The following DIP2C variants were observed in gnomAD, a reference collection of about 807,000 sequenced individuals.
DIP2C encodes disco-interacting protein 2 homolog C.
In DIP2C, 33 loss-of-function variants were observed where a neutral mutation model predicts 192.4. The ratio of observed to expected loss-of-function variants is 0.17; its 90% CI spans 0.13 to 0.23. DIP2C has a LOEUF of 0.23. DIP2C is among the 10% of genes least tolerant of loss of function. The probability of loss-of-function intolerance (pLI) is 1.00; values close to 1 mark genes in which losing one functional copy is unlikely to be tolerated. For synonymous variants in DIP2C, 979 were observed against 864.1 expected (o/e 1.13, Z -2.33); for missense variants, 1,537 against 2,110.1 (o/e 0.73, Z 5.32).
intron 26 of DIP2C, 165 bp from the exon 27 acceptor site, chr10:345,275 G>A: frequency 1.3e-6 from 1 of 754,030 alleles, no homozygotes; most frequent in Non-Finnish European, 2.3e-6. Flanking sequence ...AGAGCTAGGA[G>A]TCTAGTTGTG....
intron 8 of DIP2C, among the ~76,000 whole-genome samples, chr10:411,123 G>T (rs1228183141): frequency 1.3e-5 from 2 of 152,184 alleles, no homozygotes; most frequent in Non-Finnish European, 2.9e-5. Context: ...GCCACAGAAA[G>T]GTGGCCCAGC....
At chr10:386,136 G>C (rs1020070372) in intron 14 of DIP2C, among the ~76,000 whole-genome samples, 1 of 152,190 alleles carries the variant, frequency 6.6e-6, no homozygotes, top group African/African-American at 2.4e-5. Flanking sequence ...CGGAAAGTTG[G>C]GTGTTCTAAT....
chr10:282,983 G>A (rs559681752), intron 35 of DIP2C, among the ~76,000 whole-genome samples: 42 of 152,380 alleles, frequency 2.8e-4, no homozygotes, highest in Admixed American at 1.5e-3. Flanking sequence ...ACTTTGCTGT[G>A]GGTGACACTG....
chr10:485,942 A>T (rs1843985176), intron 2 of DIP2C, among the ~76,000 whole-genome samples: 1 of 152,226 alleles, frequency 6.6e-6, no homozygotes, highest in Non-Finnish European at 1.5e-5. Context: ...GAAAGCTGCC[A>T]ATCTGCACAC....
At chr10:601,005 C>T (rs1057260122) in intron 1 of DIP2C, among the ~76,000 whole-genome samples, 30 of 152,300 alleles carry the variant, frequency 2.0e-4, no homozygotes, top group Admixed American at 5.2e-4. Context: ...ACTCATGGCA[C>T]GTTACATGTT....
chr10:348,723 G>A lies in DIP2C; in HGVS notation c.3149C>T (p.Ala1050Val). 2 of 1,613,842 alleles carry A rather than the reference G, an allele frequency of 1.2e-6. No individual in the cohort carries two copies. Among genetic ancestry groups the A allele is most frequent in the East Asian group, 2.2e-5 (1 of 44,886 alleles). The change falls in exon 26 of 37, where the codon GCA becomes GTA. Residue 1050 changes from alanine (A) to valine (V), a missense_variant. By Grantham distance (64) the Ala-to-Val change is moderately conservative. This residue lies in a region of DIP2C where 677 missense variants were observed against 989.9 expected (regional missense o/e 0.68). Coordinates refer to ENST00000280886, the MANE Select transcript of DIP2C (RefSeq NM_014974.3). ...ACGGACGGTTATTGGCACACAGCCT[G>A]CGTACAGGCAACCATAAAACGCTGC... ...LIAAFYGCLYAGCVPITVRPP... is the reference protein window; with the variant it reads ...LIAAFYGCLYVGCVPITVRPP...
rs554007152 is a variant in DIP2C at position 465,927 on chromosome 10, T to A, written c.268+6512A>T. The stretch of plus-strand genomic sequence containing the variant: ...TGGAAGAACATTCCATGCTCTTGGG[T>A]AGGAAGAATCAATATCGTGAAAATG... On this transcript the variant is annotated intron_variant, in intron 3 of 36. Transcript: ENST00000280886. Among the ~76,000 whole-genome samples, 389 of 152,136 alleles carry A rather than the reference T, an allele frequency of 2.6e-3. 2 individuals carry two copies. The highest frequency in any genetic ancestry group is 4.4e-3 in the East Asian group (23 of 5,174).
chr10:651,602 T>A lies in DIP2C; in HGVS notation c.85+37892A>T. 2.7e-6 allele frequency: 1 copy of A among 368,448 alleles called. No individual in the cohort carries two copies. Among genetic ancestry groups the A allele is most frequent in the Admixed American group, 3.8e-5 (1 of 26,478 alleles). 22.8% of individuals were successfully genotyped at this position (368,448 alleles called of 1,614,324 possible). On this transcript the variant is annotated intron_variant, in intron 1 of 36. Coordinates refer to ENST00000280886, the MANE Select transcript of DIP2C (RefSeq NM_014974.3). This position sits in a 1 kb window ranked among gnomAD's most constrained non-coding sequence, Gnocchi z 4.1. ...GTATTTCCCCCAAAAGGTGCATCTT[T>A]TATAAAACAAGAACGCAAGGCTCTG...
chr10:433,221 T>A (rs1966906265), intron 4 of DIP2C, among the ~76,000 whole-genome samples: 1 of 152,236 alleles, frequency 6.6e-6, no homozygotes, highest in South Asian at 2.1e-4. Context: ...ACTGGATTAT[T>A]TCTCCTTGAA....
intron 3 of DIP2C, among the ~76,000 whole-genome samples, chr10:458,778 AC>A (rs1241652382): frequency 6.6e-6 from 1 of 151,590 alleles, no homozygotes; most frequent in African/African-American, 2.4e-5. Context: ...AGTGCTCGGC[AC>A]CCCGTGACGG....
chr10:602,488 G>A (rs1852154845), intron 1 of DIP2C, among the ~76,000 whole-genome samples: 1 of 152,212 alleles, frequency 6.6e-6, no homozygotes, highest in Non-Finnish European at 1.5e-5. Flanking sequence ...CTCGCTCTCA[G>A]GACCGGGGTT....
intron 1 of DIP2C, chr10:667,773 T>G (rs538465165): frequency 6.6e-6 from 1 of 151,422 alleles, no homozygotes; most frequent in East Asian, 2.0e-4. Flanking sequence ...AACATGCACA[T>G]ACAACACACA....
In DIP2C at chr10:486,467, T is replaced by G; in HGVS notation, c.149A>C (p.Gln50Pro). 1 of 1,601,526 alleles carries G rather than the reference T, an allele frequency of 6.2e-7. No homozygotes were observed. The highest frequency in any genetic ancestry group is 8.5e-7 in the Non-Finnish European group (1 of 1,174,194). ...TCATGGGGGTTACCTACTCGGAGGCTGCGGAAGGTAGGCTCCAATTAACTT... is the reference window on the plus strand; with the variant it reads ...TCATGGGGGTTACCTACTCGGAGGCGGCGGAAGGTAGGCTCCAATTAACTT... ...RSKLIGAYLP[Q>P]PPRVDQALPQ... is the part of the protein sequence containing the mutation. The change falls in exon 2 of 37, where the codon CAG becomes CCG. Residue 50 changes from glutamine to proline, a missense_variant. This residue lies in a region of DIP2C where 473 missense variants were observed against 539.6 expected (regional missense o/e 0.88). Coordinates refer to ENST00000280886, the MANE Select transcript of DIP2C (RefSeq NM_014974.3).
intron 1 of DIP2C, among the ~76,000 whole-genome samples, chr10:513,395 G>A (rs987581138): frequency 3.9e-5 from 6 of 152,312 alleles, no homozygotes; most frequent in South Asian, 4.1e-4. Context: ...CCTCAAGGAC[G>A]GAAGTCTCCC....
chr10:345,277 C>G (rs996568766), intron 26 of DIP2C, 167 bp from the exon 27 acceptor site: 11 of 750,096 alleles, frequency 1.5e-5, no homozygotes, highest in East Asian at 2.7e-5. Context: ...AGCTAGGAGT[C>G]TAGTTGTGGA....
chr10:398,954 C>G (rs1964199199), intron 10 of DIP2C, among the ~76,000 whole-genome samples, 155 bp downstream of exon 10: 1 of 152,224 alleles, frequency 6.6e-6, no homozygotes, highest in Non-Finnish European at 1.5e-5. Flanking sequence ...CCATCCCAGG[C>G]TGCAGGGCCC....
chr10:327,248 C>T (rs1179658223), intron 30 of DIP2C, 72 bp from the exon 31 acceptor site: 4 of 1,511,618 alleles, frequency 2.6e-6, no homozygotes, highest in Admixed American at 2.0e-5. Context: ...GACTCCTTCC[C>T]ACAGATCCCC....
intron 3 of DIP2C, among the ~76,000 whole-genome samples, chr10:446,686 T>C (rs890329914): frequency 6.6e-6 from 1 of 152,282 alleles, no homozygotes; most frequent in African/African-American, 2.4e-5. Flanking sequence ...GCTGCCACCA[T>C]GGAGGAGGGG....
chr10:621,378 C>T (rs1272613460), intron 1 of DIP2C, among the ~76,000 whole-genome samples: 1 of 151,902 alleles, frequency 6.6e-6, no homozygotes, highest in Non-Finnish European at 1.5e-5. Flanking sequence ...AATATGAGCA[C>T]ACACCACCCC....
Sources: gnomAD v4.1 joint callset for allele counts (sites outside exome capture counted in the v4.1 genomes callset) on GRCh38, gnomAD v4.1.1 for gene constraint, gnomAD v4.1.1 regional missense constraint, Gnocchi (gnomAD v3.1) non-coding constraint, MANE v1.5 for transcripts, NCBI Gene and HGNC (gene_info 2026-07-23, HGNC 2026-07-21) for gene names.